The following SUFU variants were observed in gnomAD, a reference collection of about 807,000 sequenced individuals.
SUFU encodes the protein SUFU negative regulator of hedgehog signaling.
In SUFU, 7 loss-of-function variants were observed where a neutral mutation model predicts 58.9. The ratio of observed to expected loss-of-function variants is 0.12; its 90% CI spans 0.07 to 0.22. The LOEUF (loss-of-function observed/expected upper bound fraction) is 0.22. SUFU is among the 10% of genes least tolerant of loss of function. The pLI, the probability that SUFU is intolerant of heterozygous loss-of-function variation, is 1.00. For missense variants in SUFU, 451 were observed against 641.3 expected (o/e 0.70, Z 3.20); for synonymous variants, 232 against 254.8 (o/e 0.91, Z 0.85).
intron 3 of SUFU, among the ~76,000 whole-genome samples, chr10:102,588,184 C>T (rs959000187): frequency 6.6e-6 from 1 of 152,108 alleles, no homozygotes; most frequent in Non-Finnish European, 1.5e-5. Context: ...ATCACGAGGT[C>T]AGGAGATCGA....
chr10:102,521,335 A>G (rs1248078602), intron 2 of SUFU, among the ~76,000 whole-genome samples: 2 of 152,004 alleles, frequency 1.3e-5, no homozygotes, highest in Non-Finnish European at 2.9e-5. Context: ...CTGCCCATAC[A>G]TACCTTTTTC....
At chr10:102,578,880 A>G (rs2063244154) in intron 3 of SUFU, among the ~76,000 whole-genome samples, 1 of 45,006 alleles carries the variant, frequency 2.2e-5, no homozygotes, top group Non-Finnish European at 4.5e-5. Context: ...CAAAGGGAGA[A>G]AAAAAAAAAA....
At chr10:102,529,222 AGTT>A (rs1389506785) in intron 2 of SUFU, among the ~76,000 whole-genome samples, 2 of 152,170 alleles carry the variant, frequency 1.3e-5, no homozygotes, top group Non-Finnish European at 1.5e-5. Context: ...TAATCTCTGC[AGTT>A]GTTTATTTAG....
intron 2 of SUFU, among the ~76,000 whole-genome samples, chr10:102,541,777 C>T (rs1197074643): frequency 6.1e-5 from 8 of 132,030 alleles, no homozygotes; most frequent in Non-Finnish European, 1.1e-4. Flanking sequence ...GGTGTGATCT[C>T]GGCTCACCGC....
intron 2 of SUFU, among the ~76,000 whole-genome samples, chr10:102,527,000 T>C (rs866905990): frequency 7.1e-6 from 1 of 141,514 alleles, no homozygotes; most frequent in Non-Finnish European, 1.5e-5. Flanking sequence ...ATTGTTTTTT[T>C]TTTTTTTTTT....
chr10:102,586,093 C>T (rs1411789886), intron 3 of SUFU, among the ~76,000 whole-genome samples: 3 of 151,748 alleles, frequency 2.0e-5, no homozygotes, highest in African/African-American at 7.3e-5. Context: ...CCATGTTGGC[C>T]AGGCTGGTCT....
chr10:102,574,415 T>C (rs1455696947), intron 3 of SUFU, among the ~76,000 whole-genome samples: 1 of 152,168 alleles, frequency 6.6e-6, no homozygotes, highest in African/African-American at 2.4e-5. Context: ...AATAAGTAAT[T>C]ATGTTAGAAA....
chr10:102,554,647 T>C (rs1184230968), intron 3 of SUFU, among the ~76,000 whole-genome samples: 1 of 152,228 alleles, frequency 6.6e-6, no homozygotes, highest in African/African-American at 2.4e-5. Context: ...TCATTGCTAA[T>C]AGCTTAAGTA....
intron 3 of SUFU, among the ~76,000 whole-genome samples, chr10:102,586,822 C>A (rs2063340224): frequency 2.0e-5 from 3 of 152,144 alleles, no homozygotes; most frequent in Admixed American, 2.0e-4. Context: ...TTCATCTTCC[C>A]CAACTTAAAC....
intron 3 of SUFU, among the ~76,000 whole-genome samples, chr10:102,580,880 TG>T (rs893719466): frequency 2.2e-4 from 34 of 152,220 alleles, no homozygotes; most frequent in African/African-American, 7.7e-4. Context: ...TTCTCCTCTC[TG>T]GTCTAGAAAT....
intron 3 of SUFU, among the ~76,000 whole-genome samples, chr10:102,550,490 G>A (rs914316844): frequency 6.6e-6 from 1 of 152,134 alleles, no homozygotes; most frequent in Non-Finnish European, 1.5e-5. Flanking sequence ...TCAAATGAAG[G>A]CCAAGATACT....
intron 2 of SUFU, among the ~76,000 whole-genome samples, chr10:102,529,521 C>T (rs549670906): frequency 2.1e-4 from 32 of 152,248 alleles, no homozygotes; most frequent in African/African-American, 6.7e-4. Context: ...CGCCTGTAAT[C>T]GCAGCACTTT....
At chr10:102,627,984 C>T (rs1440768605) in intron 11 of SUFU, among the ~76,000 whole-genome samples, 2 of 152,226 alleles carry the variant, frequency 1.3e-5, no homozygotes, top group Non-Finnish European at 2.9e-5. Context: ...GGCCCCAGTG[C>T]CCCATGGGTT....
At chr10:102,519,802 C>T (rs1028017175) in intron 2 of SUFU, among the ~76,000 whole-genome samples, 4 of 152,014 alleles carry the variant, frequency 2.6e-5, no homozygotes, top group Admixed American at 6.6e-5. Context: ...GATGGAGTCT[C>T]GCTCTGTCGC....
rs769847858 is a variant in SUFU at position 102,617,602 on chromosome 10, C to T, written c.1296+174C>T. The stretch of plus-strand genomic sequence containing the variant: ...AGGTATGGAGTGTGGATGCTGCTAC[C>T]CACTCCAGCAGCTTAGGAGCACTTC... On this transcript the variant is annotated intron_variant, in intron 10 of 11. Transcript: ENST00000369902. The surrounding 1 kb of genome is among the most constrained non-coding windows in gnomAD (Gnocchi z 4.4). 1.2e-6 allele frequency: 1 copy of T among 802,014 alleles called. No individual in the cohort carries two copies. The highest frequency in any genetic ancestry group is 1.7e-5 in the South Asian group (1 of 58,264). The allele number at this position is 802,014 out of a possible 1,614,324, so 49.7% of individuals were successfully genotyped here. A position where few individuals can be genotyped will look rare whatever the true frequency, so the allele number is the denominator to read the frequency against.
intron 3 of SUFU, among the ~76,000 whole-genome samples, chr10:102,568,933 T>TACACAC: frequency 2.9e-5 from 1 of 35,086 alleles, no homozygotes; most frequent in African/African-American, 9.9e-5. Context: ...CATATATATA[T>TACACAC]ATATATATAT....
chr10:102,549,231 T>C (rs1292679821), intron 2 of SUFU, among the ~76,000 whole-genome samples: 1 of 152,142 alleles, frequency 6.6e-6, no homozygotes, highest in Non-Finnish European at 1.5e-5. Flanking sequence ...TGAGATTGGG[T>C]AATTTATAAA....
intron 8 of SUFU, among the ~76,000 whole-genome samples, chr10:102,611,883 C>T (rs1190069823): frequency 6.6e-6 from 1 of 152,242 alleles, no homozygotes; most frequent in African/African-American, 2.4e-5. Context: ...CTGGCAGTCC[C>T]CAGCGGGTAT....
intron 2 of SUFU, among the ~76,000 whole-genome samples, chr10:102,519,002 G>C (rs113902736): frequency 2.0e-5 from 3 of 151,634 alleles, no homozygotes; most frequent in Non-Finnish European, 4.4e-5. Context: ...TTAGCCAGGC[G>C]TGGTGGCAGG....
Sources: allele counts gnomAD v4.1 joint callset (sites outside exome capture counted in the v4.1 genomes callset), GRCh38; gene constraint gnomAD v4.1.1; non-coding constraint Gnocchi (gnomAD v3.1); transcripts MANE v1.5; gene names NCBI Gene and HGNC (gene_info 2026-07-23, HGNC 2026-07-21).